Variants in EPHA6 observed in about 807,000 individuals in gnomAD.
EPHA6 encodes ephrin type-A receptor 6.
Under a neutral mutation model 112.0 loss-of-function variants are expected in EPHA6, and 50 were observed. The observed-to-expected ratio is 0.45, with a 90% CI of 0.36 to 0.56. The LOEUF is 0.56. Among genes scored for constraint, EPHA6 ranks in the 20% least tolerant of loss-of-function variants. EPHA6 has a pLI of 0.00. For synonymous variants in EPHA6, 529 were observed against 490.7 expected, an observed-to-expected ratio of 1.08 and a Z score of -1.03; for missense variants, 1,280 against 1,417.4, an observed-to-expected ratio of 0.90 and a Z score of 1.56.
At chr3:97,435,099 G>A (rs182739613) in intron 6 of EPHA6, among the ~76,000 whole-genome samples, 2 of 152,020 alleles carry the variant, frequency 1.3e-5, no homozygotes, top group Admixed American at 1.3e-4. Context: ...TACCCTACTT[G>A]GTTGGTCAAA....
At chr3:97,371,615 G>A (rs375610586) in intron 5 of EPHA6, among the ~76,000 whole-genome samples, 146 of 152,156 alleles carry the variant, frequency 9.6e-4, no homozygotes, top group African/African-American at 3.2e-3. Flanking sequence ...TGAAATCTGG[G>A]CACCTTGAAA....
chr3:97,157,393 G>T (rs1203994339), intron 3 of EPHA6, among the ~76,000 whole-genome samples: 2 of 152,032 alleles, frequency 1.3e-5, no homozygotes, highest in Non-Finnish European at 2.9e-5. Context: ...GGTATAATTT[G>T]CTAGAAGAGT....
intron 3 of EPHA6, among the ~76,000 whole-genome samples, chr3:97,114,441 T>C (rs1196810026): frequency 6.6e-6 from 1 of 152,098 alleles, no homozygotes; most frequent in East Asian, 1.9e-4. Context: ...TCTCTTCCCA[T>C]GGTTATGCCA....
intron 4 of EPHA6, among the ~76,000 whole-genome samples, chr3:97,231,908 A>G (rs953058993): frequency 6.6e-6 from 1 of 152,170 alleles, no homozygotes; most frequent in Admixed American, 6.5e-5. Context: ...CTTTTAAGAC[A>G]ATGCATTTCT....
rs56131158 is a variant in EPHA6 at position 96,888,878 on chromosome 3, G to T, written c.450+21989G>T. On this transcript the variant is annotated intron_variant, in intron 2 of 17. Coordinates refer to ENST00000389672, the MANE Select transcript of EPHA6 (RefSeq NM_001080448.3). Reference sequence around the variant, plus strand: ...ATTTTCTTTTCTATCACATTGTCAGGCTAAAAATTTTTTGAACTTTTATGC... The same window carrying T: ...ATTTTCTTTTCTATCACATTGTCAGTCTAAAAATTTTTTGAACTTTTATGC... Among the ~76,000 whole-genome samples, 1,239 of 152,190 alleles carry T rather than the reference G, an allele frequency of 8.1e-3. 15 individuals carry two copies. Among genetic ancestry groups the T allele is most frequent in the African/African-American group, 0.022 (924 of 41,520 alleles).
At chr3:97,623,649 G>A (rs754558761) in intron 13 of EPHA6, among the ~76,000 whole-genome samples, 1 of 151,500 alleles carries the variant, frequency 6.6e-6, no homozygotes, top group Non-Finnish European at 1.5e-5. Context: ...GAGCTAGGAC[G>A]CTCTTTTCAC....
chr3:97,353,469 C>T (rs1212239520), intron 5 of EPHA6, among the ~76,000 whole-genome samples: 1 of 151,606 alleles, frequency 6.6e-6, no homozygotes, highest in East Asian at 2.0e-4. Flanking sequence ...CAGTGAACAT[C>T]AGTAGTAGTC....
intron 2 of EPHA6, among the ~76,000 whole-genome samples, chr3:96,955,839 A>T (rs1231535975): frequency 6.6e-6 from 1 of 152,240 alleles, no homozygotes; most frequent in African/African-American, 2.4e-5. Flanking sequence ...AATTAAAAAC[A>T]GTTGTCAGTT....
At chr3:97,733,077 G>A (rs141684551) in intron 15 of EPHA6, among the ~76,000 whole-genome samples, 17 of 152,034 alleles carry the variant, frequency 1.1e-4, no homozygotes, top group African/African-American at 3.6e-4. Context: ...GAACCTACCC[G>A]CTCATCACTC....
chr3:97,258,894 A>ACTGT (rs2079405372), intron 5 of EPHA6, among the ~76,000 whole-genome samples: 1 of 151,984 alleles, frequency 6.6e-6, no homozygotes, highest in African/African-American at 2.4e-5. Context: ...CATTCTAAAG[A>ACTGT]CTAACAGAAA....
At chr3:97,059,402 G>T (rs1278866905) in intron 3 of EPHA6, among the ~76,000 whole-genome samples, 3 of 152,106 alleles carry the variant, frequency 2.0e-5, no homozygotes, top group Admixed American at 2.0e-4. Context: ...ATCATTTTAC[G>T]ATTTGATAAG....
intron 10 of EPHA6, among the ~76,000 whole-genome samples, chr3:97,526,508 C>T (rs890838982): frequency 2.6e-5 from 4 of 152,146 alleles, no homozygotes; most frequent in Non-Finnish European, 5.9e-5. Flanking sequence ...CCCAATAGAT[C>T]CCTATGTGGT....
At chr3:97,517,433 A>G (rs1284502369) in intron 10 of EPHA6, among the ~76,000 whole-genome samples, 1 of 152,066 alleles carries the variant, frequency 6.6e-6, no homozygotes, top group Non-Finnish European at 1.5e-5. Flanking sequence ...TTCTATGATT[A>G]GACGTCTGGG....
chr3:97,610,465 G>A (rs1051050911), intron 12 of EPHA6, among the ~76,000 whole-genome samples: 4 of 151,612 alleles, frequency 2.6e-5, no homozygotes, highest in African/African-American at 7.3e-5. Flanking sequence ...ACTTCAGCTT[G>A]TTGATTGTTT....
At chr3:97,745,993 T>G (rs2035699654) in intron 16 of EPHA6, among the ~76,000 whole-genome samples, 1 of 151,910 alleles carries the variant, frequency 6.6e-6, no homozygotes, top group African/African-American at 2.4e-5. Context: ...TAATCATTTG[T>G]GCTCGTAGCT....
chr3:97,457,630 A>G (rs1389169498), intron 7 of EPHA6, among the ~76,000 whole-genome samples: 1 of 152,190 alleles, frequency 6.6e-6, no homozygotes, highest in South Asian at 2.1e-4. Flanking sequence ...AAAATTATCT[A>G]ATGTAACATC....
intron 14 of EPHA6, among the ~76,000 whole-genome samples, chr3:97,669,355 C>T (rs2030538396): frequency 7.7e-6 from 1 of 129,882 alleles, no homozygotes; most frequent in Non-Finnish European, 1.7e-5. Context: ...ATCAGTGTAT[C>T]AGTAATTATC....
chr3:97,245,571 A>G (rs1369256562), intron 5 of EPHA6, among the ~76,000 whole-genome samples: 1 of 152,022 alleles, frequency 6.6e-6, no homozygotes, highest in Non-Finnish European at 1.5e-5. Context: ...AATACTCAGC[A>G]ATAAAAATGA....
intron 11 of EPHA6, among the ~76,000 whole-genome samples, chr3:97,558,354 A>G (rs1471294282): frequency 1.3e-5 from 2 of 152,058 alleles, no homozygotes; most frequent in Non-Finnish European, 2.9e-5. Context: ...AGACAGTCTC[A>G]GGATTGACAG....
Sources: allele counts gnomAD v4.1 joint callset (sites outside exome capture counted in the v4.1 genomes callset), GRCh38; gene constraint gnomAD v4.1.1; transcripts MANE v1.5; gene names NCBI Gene and HGNC (gene_info 2026-07-23, HGNC 2026-07-21).